The following NRP1 variants were observed in gnomAD, a reference collection of about 807,000 sequenced individuals.
The protein encoded by NRP1 is neuropilin 1.
In NRP1, 35 loss-of-function variants were observed where a neutral mutation model predicts 106.7. The ratio of observed to expected loss-of-function variants is 0.33; its 90% CI spans 0.25 to 0.43. The LOEUF (loss-of-function observed/expected upper bound fraction) is 0.43. Among genes scored for constraint, NRP1 ranks in the 20% least tolerant of loss-of-function variants. The pLI, the probability that NRP1 is intolerant of heterozygous loss-of-function variation, is 1.00. For missense variants in NRP1, 1,024 were observed against 1,170.4 expected, an observed-to-expected ratio of 0.87 and a Z score of 1.83; for synonymous variants, 437 against 417.9, an observed-to-expected ratio of 1.05 and a Z score of -0.56.
At chr10:33,250,041 A>G (rs751433942) in intron 6 of NRP1, among the ~76,000 whole-genome samples, 2 of 152,194 alleles carry the variant, frequency 1.3e-5, no homozygotes, top group African/African-American at 4.8e-5. Flanking sequence ...TTGTTGCTAC[A>G]GCAACTTGTT....
intron 7 of NRP1, 130 bp downstream of exon 7, chr10:33,226,004 A>C: frequency 1.0e-6 from 1 of 998,174 alleles, no homozygotes; most frequent in Non-Finnish European, 1.5e-6. Flanking sequence ...TTAAACCTCT[A>C]ATTGCACTTT....
intron 13 of NRP1, among the ~76,000 whole-genome samples, chr10:33,189,774 C>A (rs1391421847): frequency 6.6e-6 from 1 of 152,206 alleles, no homozygotes; most frequent in East Asian, 1.9e-4. Context: ...GTCTGGCTTG[C>A]AAAGTTTCAC....
chr10:33,320,313 A>T (rs982754156), intron 2 of NRP1, among the ~76,000 whole-genome samples: 1 of 136,842 alleles, frequency 7.3e-6, no homozygotes, highest in African/African-American at 2.7e-5. Context: ...CTCCGTCTTT[A>T]AAAAAAAAAA....
chr10:33,317,076 T>G (rs1455405637), intron 2 of NRP1, among the ~76,000 whole-genome samples: 3 of 152,188 alleles, frequency 2.0e-5, no homozygotes, highest in African/African-American at 7.2e-5. Context: ...TCCTACAGAA[T>G]TCATTTGACC....
chr10:33,210,292 G>T (rs2269103), intron 9 of NRP1, among the ~76,000 whole-genome samples: 21,182 of 151,534 alleles, frequency 0.14, 1,816 homozygotes, highest in East Asian at 0.5. Context: ...ATATTATTGT[G>T]AGGCCCAATT....
rs574393457 is a variant in NRP1, at chr10:33,331,751, G to C, written c.74-869C>G. On this transcript the variant is annotated intron_variant, in intron 1 of 16. Transcript: ENST00000374867. ...ATAAACCAAGTAAACCAGTCTCTGG[G>C]CTGCCTATATTGTTCAGCATAGATT... 3.3e-5 allele frequency among the ~76,000 whole-genome samples: 5 copies of C among 152,236 alleles called. No homozygotes were observed. The East Asian group carries it at 9.6e-4, about 29-fold the overall frequency.
intron 6 of NRP1, among the ~76,000 whole-genome samples, chr10:33,238,113 T>A (rs1213136657): frequency 4.6e-5 from 7 of 152,212 alleles, no homozygotes; most frequent in Non-Finnish European, 5.9e-5. Flanking sequence ...TGCTAAAATG[T>A]GTGGCTTCAC....
intron 2 of NRP1, among the ~76,000 whole-genome samples, chr10:33,285,805 C>A (rs945900087): frequency 1.3e-5 from 2 of 151,828 alleles, no homozygotes; most frequent in Non-Finnish European, 1.5e-5. Context: ...TGCACTCCAG[C>A]CTGGGGGAGG....
chr10:33,256,427 G>A lies in NRP1; in HGVS notation c.703C>T (p.Arg235Ter). The change falls in exon 5 of 17, where the codon CGA becomes TGA. Residue 235 changes from arginine (R) to a stop codon, truncating the protein, a stop_gained. Transcript: ENST00000374867. LOFTEE classifies it high-confidence loss of function. ...GRYCGQKTPG[R>*]IRSSSGILSM... The stretch of plus-strand genomic sequence containing the variant: ...AGAATGCCCGATGAGGATCGGATTC[G>A]ACCTGGTGTTTTCTGTCCACAGTAA... The A allele has an allele frequency of 1.9e-6, 3 of 1,614,148 alleles. No homozygotes were observed. The highest frequency in any genetic ancestry group is 2.5e-6 in the Non-Finnish European group (3 of 1,180,016).
chr10:33,214,594 C>T (rs1484031344), intron 8 of NRP1, among the ~76,000 whole-genome samples: 1 of 152,186 alleles, frequency 6.6e-6, no homozygotes, highest in Non-Finnish European at 1.5e-5. Flanking sequence ...CCAGACCCCA[C>T]TTTGAATCTC....
At chr10:33,290,802 C>T (rs1844939537) in intron 2 of NRP1, among the ~76,000 whole-genome samples, 1 of 152,110 alleles carries the variant, frequency 6.6e-6, no homozygotes, top group Non-Finnish European at 1.5e-5. Context: ...AATTCAATTT[C>T]AGAAAAGATT....
At chr10:33,209,766 C>T (rs557333181) in intron 9 of NRP1, among the ~76,000 whole-genome samples, 5 of 152,340 alleles carry the variant, frequency 3.3e-5, no homozygotes, top group Non-Finnish European at 5.9e-5. Flanking sequence ...CGTGAGCCTT[C>T]GAGACAGCCC....
chr10:33,208,609 G>A (rs1446552259), intron 9 of NRP1, among the ~76,000 whole-genome samples: 3 of 152,154 alleles, frequency 2.0e-5, no homozygotes, highest in Non-Finnish European at 4.4e-5. Flanking sequence ...GGAGAAGGCG[G>A]AGGGGGAGGA....
intron 5 of NRP1, 72 bp from the exon 6 acceptor site, chr10:33,254,266 G>A: frequency 7.5e-7 from 1 of 1,338,700 alleles, no homozygotes; most frequent in South Asian, 1.5e-5. Flanking sequence ...TTTTTAACTT[G>A]ATACACCAAA....
chr10:33,274,235 A>G (rs375600545), intron 2 of NRP1, among the ~76,000 whole-genome samples: 6 of 152,262 alleles, frequency 3.9e-5, no homozygotes, highest in African/African-American at 1.4e-4. Flanking sequence ...CCCTGGCTTT[A>G]GAATCCACGC....
At chr10:33,269,593 C>A (rs1218371156) in intron 3 of NRP1, among the ~76,000 whole-genome samples, 1 of 152,204 alleles carries the variant, frequency 6.6e-6, no homozygotes, top group East Asian at 1.9e-4. Flanking sequence ...CCCCAACCCT[C>A]GGACTGCAGA....
chr10:33,203,802 G>A (rs1837545112), intron 10 of NRP1, among the ~76,000 whole-genome samples: 1 of 77,708 alleles, frequency 1.3e-5, no homozygotes, highest in Non-Finnish European at 2.8e-5. Context: ...CTGCAGTGGC[G>A]CAATCTCGGC....
chr10:33,203,109 C>G, intron 10 of NRP1, 114 bp from the exon 11 acceptor site: 4 of 1,020,216 alleles, frequency 3.9e-6, no homozygotes, highest in South Asian at 1.7e-5. Flanking sequence ...GTAAGAAGAC[C>G]AGGGGCATGG....
chr10:33,259,256 C>T lies in NRP1; in HGVS notation c.659-2785G>A, dbSNP rs193079169. 4.1e-3 allele frequency among the ~76,000 whole-genome samples: 626 copies of T among 152,298 alleles called. 3 individuals are homozygous for T. The highest frequency in any genetic ancestry group is 5.2e-3 in the Admixed American group (79 of 15,298). On this transcript the variant is annotated intron_variant, in intron 4 of 16. Transcript: ENST00000374867. ...TTTAAGACATGCTGGGTAAATCTGC[C>T]TTCTGTCCCTAGAACACTGCCCCCG...
Sources: allele counts gnomAD v4.1 joint callset (sites outside exome capture counted in the v4.1 genomes callset), GRCh38; gene constraint gnomAD v4.1.1; transcripts MANE v1.5; gene names NCBI Gene and HGNC (gene_info 2026-07-23, HGNC 2026-07-21).